Variants in PMM1 observed in about 807,000 individuals in gnomAD.
PMM1 encodes the protein phosphomannomutase 1.
In PMM1, 25 loss-of-function variants were observed where a neutral mutation model predicts 34.0. The ratio of observed to expected loss-of-function variants is 0.73; its 90% CI spans 0.54 to 1.03. The LOEUF is 1.03. Ranked by LOEUF, PMM1 falls within the 50% of genes least tolerant of loss-of-function variation. The pLI is 0.00. For missense variants in PMM1, 321 were observed against 350.1 expected, an observed-to-expected ratio of 0.92 and a Z score of 0.66; for synonymous variants, 134 against 143.9, an observed-to-expected ratio of 0.93 and a Z score of 0.49.
chr22:41,576,908 G>A lies in PMM1; in HGVS notation c.*410C>T. On this transcript the variant is annotated 3_prime_UTR_variant, in exon 8 of 8. Coordinates refer to ENST00000216259, the MANE Select transcript of PMM1 (RefSeq NM_002676.3). ...ACACAGCTGACACCTACTTTGTTCTGGGAACTTTAATACTGTGACAAAGTT... is the reference window on the plus strand; with the variant it reads ...ACACAGCTGACACCTACTTTGTTCTAGGAACTTTAATACTGTGACAAAGTT... 3.4e-6 allele frequency: 1 copy of A among 294,810 alleles called. No individual in the cohort carries two copies. Among genetic ancestry groups the A allele is most frequent in the Non-Finnish European group, 6.7e-6 (1 of 150,076 alleles). 18.3% of individuals were successfully genotyped at this position (294,810 alleles called of 1,614,324 possible).
At chr22:41,586,702 T>C (rs1440240291) in intron 1 of PMM1, among the ~76,000 whole-genome samples, 1 of 151,268 alleles carries the variant, frequency 6.6e-6, no homozygotes, top group Non-Finnish European at 1.5e-5. Context: ...AGAGACAGGG[T>C]TTCGCCATGT....
chr22:41,587,711 C>T (rs1318421909), intron 1 of PMM1, among the ~76,000 whole-genome samples: 2 of 152,134 alleles, frequency 1.3e-5, no homozygotes, highest in Non-Finnish European at 2.9e-5. Flanking sequence ...CAAAACAATG[C>T]TTAATATTTG....
At chr22:41,588,471 G>A (rs1011814798) in intron 1 of PMM1, among the ~76,000 whole-genome samples, 2 of 152,134 alleles carry the variant, frequency 1.3e-5, no homozygotes, top group Admixed American at 6.5e-5. Context: ...TGTCTGCCTC[G>A]GCCTCCCAAA....
At position 41,577,943 on chromosome 22, in the gene PMM1, C is replaced by T. The variant is rs896354020; in HGVS notation, c.551-20G>A. On this transcript the variant is annotated intron_variant, in intron 6 of 7. Coordinates refer to ENST00000216259, the MANE Select transcript of PMM1 (RefSeq NM_002676.3). ...TGCCTCCTGTGGGCAGGGGTGGGGA[C>T]TGTTATTCCCTGCTGGGAGGGGCAG... 2.2e-5 allele frequency: 34 copies of T among 1,547,992 alleles called. No individual in the cohort carries two copies. Among genetic ancestry groups the T allele is most frequent in the Non-Finnish European group, 2.9e-5 (33 of 1,121,114 alleles).
chr22:41,577,855 G>A lies in PMM1; in HGVS notation c.619C>T (p.Gln207Ter), dbSNP rs202239622. ...DKRYCLDSLD[Q>*]DSFDTIHFFG... ...AAGTGGATGGTGTCGAAGCTGTCCT[G>A]GTCCAGGCTATCCAGGCAGTAGCGC... The change falls in exon 7 of 8, where the codon CAG (glutamine) becomes TAG (stop). Residue 207 changes from glutamine (Q) to a stop codon, truncating the protein, a stop_gained. Coordinates refer to ENST00000216259, the MANE Select transcript of PMM1 (RefSeq NM_002676.3). LOFTEE classifies it high-confidence loss of function. 25 of 1,613,396 alleles carry A rather than the reference G, an allele frequency of 1.5e-5. No individual in the cohort carries two copies. The highest frequency in any genetic ancestry group is 2.1e-5 in the Non-Finnish European group (25 of 1,179,968).
In PMM1 at chr22:41,583,984, C is replaced by G; in HGVS notation, c.449G>C (p.Arg150Thr). 1 of 1,613,402 alleles carries G rather than the reference C, an allele frequency of 6.2e-7. No individual in the cohort carries two copies. The highest frequency in any genetic ancestry group is 2.2e-5 in the East Asian group (1 of 44,882). Reference protein sequence around the residue: ...PIGRSCTLEERIEFSELDKKE... With the variant: ...PIGRSCTLEETIEFSELDKKE... ...CTTGTCCAGTTCGGAGAACTCGATC[C>G]TCTCCTCCAGGGTGCAGCTCCGGCC... is the stretch of plus-strand genomic sequence containing the variant. The change falls in exon 5 of 8, where the codon AGG (arginine) becomes ACG (threonine). Residue 150 changes from arginine to threonine, a missense_variant. Coordinates refer to ENST00000216259, the MANE Select transcript of PMM1 (RefSeq NM_002676.3).
At chr22:41,589,414 G>T (rs573922717) in intron 1 of PMM1, 35 of 501,822 alleles carry the variant, frequency 7.0e-5, no homozygotes, top group East Asian at 7.4e-5. Context: ...AGGCCTTAGC[G>T]GCGTGTGACA....
At chr22:41,581,726 C>T (rs2067248926) in intron 5 of PMM1, among the ~76,000 whole-genome samples, 1 of 151,998 alleles carries the variant, frequency 6.6e-6, no homozygotes, top group East Asian at 1.9e-4. Flanking sequence ...ACAGTGGCCA[C>T]GCCTGTAATC....
rs5758395 is a variant in PMM1 at position 41,582,278 on chromosome 22, C to T, written c.474+1681G>A. Among the ~76,000 whole-genome samples, 8 of 152,186 alleles carry T rather than the reference C, an allele frequency of 5.3e-5. No homozygotes were observed. In the East Asian group the frequency reaches 7.7e-4, roughly 15 times the overall value. Reference sequence around the variant, plus strand: ...TTCAAAACTGGCCTGGGAGACACAGCGAGATCCCATCCCTACAAAATATTT... The same window carrying T: ...TTCAAAACTGGCCTGGGAGACACAGTGAGATCCCATCCCTACAAAATATTT... On this transcript the variant is annotated intron_variant, in intron 5 of 7. Coordinates refer to ENST00000216259, the MANE Select transcript of PMM1 (RefSeq NM_002676.3).
chr22:41,588,225 T>C (rs1218618146), intron 1 of PMM1, among the ~76,000 whole-genome samples: 1 of 151,822 alleles, frequency 6.6e-6, no homozygotes, highest in Non-Finnish European at 1.5e-5. Flanking sequence ...TACTTTTTGT[T>C]TTGTTTTGTT....
chr22:41,583,147 G>C (rs752069397), intron 5 of PMM1, among the ~76,000 whole-genome samples: 1 of 152,106 alleles, frequency 6.6e-6, no homozygotes, highest in Non-Finnish European at 1.5e-5. Flanking sequence ...TGTAAATGAG[G>C]GGGTGGGGCT....
intron 2 of PMM1, chr22:41,585,313 A>G (rs1369576133): frequency 6.6e-6 from 1 of 152,142 alleles, no homozygotes; most frequent in Non-Finnish European, 1.5e-5. Context: ...AGGGGCTCTG[A>G]GGTCCAGTCG....
chr22:41,583,278 G>A (rs551583231), intron 5 of PMM1, among the ~76,000 whole-genome samples: 6 of 152,260 alleles, frequency 3.9e-5, no homozygotes, highest in Non-Finnish European at 7.4e-5. Flanking sequence ...TCAGGAGTTC[G>A]AGACCAGCCT....
At position 41,578,801 on chromosome 22, in the gene PMM1, C is replaced by G. The variant is rs35330287; in HGVS notation, c.550+5G>C. The G allele has an allele frequency of 6.2e-7, 1 of 1,612,992 alleles. No individual in the cohort carries two copies. Among genetic ancestry groups the G allele is most frequent in the Non-Finnish European group, 8.5e-7 (1 of 1,179,234 alleles). On this transcript the variant is annotated splice_donor_5th_base_variant and intron_variant, in intron 6 of 7. Coordinates refer to ENST00000216259, the MANE Select transcript of PMM1 (RefSeq NM_002676.3). ...CCTCCCAGGTCCTCTGCAGGGTGGA[C>G]GTACCTCGAGAGAACCTCAGCCCTT...
At chr22:41,577,558 A>C (rs1314009149) in intron 7 of PMM1, 118 bp from the exon 8 acceptor site, 63 of 1,205,904 alleles carry the variant, frequency 5.2e-5, no homozygotes, top group Non-Finnish European at 6.6e-5. Context: ...CCACCTTCTC[A>C]CCCCTTGTCA....
chr22:41,584,446 C>T, intron 3 of PMM1, 74 bp from the exon 4 acceptor site: 6 of 1,572,202 alleles, frequency 3.8e-6, no homozygotes, highest in Non-Finnish European at 5.3e-6. Flanking sequence ...GTCTCTCCCC[C>T]AGCCCAGGAC....
intron 6 of PMM1, 127 bp from the exon 7 acceptor site, chr22:41,578,050 G>A (rs563593603): frequency 1.9e-5 from 13 of 668,194 alleles, no homozygotes; most frequent in East Asian, 1.9e-4. Context: ...AATAGGACAC[G>A]GGACAGACTT....
intron 5 of PMM1, among the ~76,000 whole-genome samples, chr22:41,580,842 C>T (rs1468020894): frequency 1.3e-5 from 2 of 152,180 alleles, no homozygotes; most frequent in East Asian, 3.9e-4. Context: ...TTAGGCCGGG[C>T]GCGGTGGCTC....
chr22:41,581,605 T>C (rs1402899354), intron 5 of PMM1, among the ~76,000 whole-genome samples: 6 of 151,858 alleles, frequency 4.0e-5, no homozygotes, highest in African/African-American at 1.2e-4. Context: ...ACACCTATAA[T>C]CACTTTGGAA....
Sources: gnomAD v4.1 joint callset for allele counts (sites outside exome capture counted in the v4.1 genomes callset) on GRCh38, gnomAD v4.1.1 for gene constraint, MANE v1.5 for transcripts, NCBI Gene and HGNC (gene_info 2026-07-23, HGNC 2026-07-21) for gene names.